INPP4B: variants seen among roughly 807,000 people sequenced by gnomAD.
The protein encoded by INPP4B is inositol polyphosphate-4-phosphatase type II B.
In INPP4B, 55 loss-of-function variants were observed where a neutral mutation model predicts 122.5. The ratio of observed to expected loss-of-function variants is 0.45; its 90% CI spans 0.36 to 0.56. INPP4B has a LOEUF of 0.56. INPP4B is among the 20% of genes least tolerant of loss of function. INPP4B has a pLI of 0.00. For synonymous variants in INPP4B, 403 were observed against 388.7 expected (o/e 1.04, Z -0.43); for missense variants, 1,000 against 1,097.7 (o/e 0.91, Z 1.26).
chr4:142,189,522 T>C (rs145486366), intron 15 of INPP4B, among the ~76,000 whole-genome samples: 1 of 152,158 alleles, frequency 6.6e-6, no homozygotes, highest in Non-Finnish European at 1.5e-5. Context: ...AAAAGTAAAA[T>C]ATTAGGGAGG....
At chr4:142,352,535 C>A (rs533960338) in intron 7 of INPP4B, among the ~76,000 whole-genome samples, 80 of 151,294 alleles carry the variant, frequency 5.3e-4, no homozygotes, top group African/African-American at 1.7e-3. Flanking sequence ...TATTCCCAAC[C>A]CATATGTGTA....
chr4:142,779,032 A>G (rs899723755), intron 1 of INPP4B, among the ~76,000 whole-genome samples: 4 of 152,074 alleles, frequency 2.6e-5, no homozygotes, highest in African/African-American at 9.7e-5. Context: ...CAGCTTGCAT[A>G]TTTTTATGTA....
intron 2 of INPP4B, among the ~76,000 whole-genome samples, chr4:142,545,525 C>A (rs2150050429): frequency 6.6e-6 from 1 of 152,076 alleles, no homozygotes; most frequent in East Asian, 1.9e-4. Flanking sequence ...CATCATAGAG[C>A]TCTTTTTTAA....
rs531147349 is a variant in INPP4B at position 142,798,779 on chromosome 4, T to C, written c.-254+47430A>G. Reference sequence around the variant, plus strand: ...AGCCGAAAGTTGATAAATCAATTAGTATATTATTTATTTAAAGTATATATA... The same window carrying C: ...AGCCGAAAGTTGATAAATCAATTAGCATATTATTTATTTAAAGTATATATA... On this transcript the variant is annotated intron_variant, in intron 1 of 25. Coordinates refer to ENST00000262992, the MANE Select transcript of INPP4B (RefSeq NM_001101669.3). 1.2e-4 allele frequency among the ~76,000 whole-genome samples: 19 copies of C among 152,012 alleles called. No homozygotes were observed. In the East Asian group the frequency reaches 3.7e-3, roughly 29 times the overall value.
At chr4:142,338,793 C>T (rs568593819) in intron 7 of INPP4B, among the ~76,000 whole-genome samples, 29 of 152,288 alleles carry the variant, frequency 1.9e-4, no homozygotes, top group Admixed American at 1.1e-3. Context: ...ATGAGCCAAG[C>T]GCTCTTCTAC....
At chr4:142,748,281 C>T (rs1419125326) in intron 1 of INPP4B, among the ~76,000 whole-genome samples, 4 of 151,676 alleles carry the variant, frequency 2.6e-5, no homozygotes, top group Non-Finnish European at 4.4e-5. Context: ...GCTTTAAATG[C>T]CTATCTATAC....
At chr4:142,384,671 C>A (rs185252634) in intron 7 of INPP4B, among the ~76,000 whole-genome samples, 112 of 152,114 alleles carry the variant, frequency 7.4e-4, no homozygotes, top group Admixed American at 3.7e-3. Flanking sequence ...GATTATAATG[C>A]CCTTTAATTT....
At chr4:142,230,312 C>T (rs1561548366) in intron 12 of INPP4B, among the ~76,000 whole-genome samples, 1 of 152,082 alleles carries the variant, frequency 6.6e-6, no homozygotes, top group African/African-American at 2.4e-5. Context: ...AAACCTCTCT[C>T]TACCACAGCG....
At chr4:142,262,648 G>C (rs1047778870) in intron 10 of INPP4B, among the ~76,000 whole-genome samples, 4 of 151,870 alleles carry the variant, frequency 2.6e-5, no homozygotes, top group Admixed American at 1.3e-4. Flanking sequence ...GTGTCTCTCT[G>C]GTTCATTGCT....
rs558832513 is a variant in INPP4B at position 142,810,747 on chromosome 4, T to G, written c.-254+35462A>C. ...GTAGGTATGGTCACACATAAGGCTG[T>G]TATTAGTCTCACATTGTAATCCTAA... On this transcript the variant is annotated intron_variant, in intron 1 of 25. Coordinates refer to ENST00000262992, the MANE Select transcript of INPP4B (RefSeq NM_001101669.3). Among the ~76,000 whole-genome samples, 3 of 152,336 alleles carry G rather than the reference T, an allele frequency of 2.0e-5. No individual in the cohort carries two copies. The East Asian group carries it at 5.8e-4, about 29-fold the overall frequency.
rs561979769 is a variant in INPP4B at position 142,037,054 on chromosome 4, G to A, written c.2643-8140C>T. On this transcript the variant is annotated intron_variant, in intron 25 of 25. Transcript: ENST00000262992. ...TTGCAAGGTACTCTGGCATTCCAAT[G>A]TCATTAGTTTTGGCCATCACCGTGG... Among the ~76,000 whole-genome samples, 3 of 152,296 alleles carry A rather than the reference G, an allele frequency of 2.0e-5. No homozygotes were observed. In the East Asian group the frequency reaches 5.8e-4, roughly 29 times the overall value.
At chr4:142,705,338 T>G (rs1560980302) in intron 2 of INPP4B, among the ~76,000 whole-genome samples, 1 of 152,100 alleles carries the variant, frequency 6.6e-6, no homozygotes, top group African/African-American at 2.4e-5. Flanking sequence ...TCCCACAGAC[T>G]GACTCTCCTT....
At chr4:142,055,433 G>A (rs1272261814) in intron 25 of INPP4B, among the ~76,000 whole-genome samples, 1 of 152,000 alleles carries the variant, frequency 6.6e-6, no homozygotes, top group South Asian at 2.1e-4. Context: ...ATAAAGTAAA[G>A]CAGGTCATTG....
intron 14 of INPP4B, among the ~76,000 whole-genome samples, chr4:142,197,018 G>A (rs896999907): frequency 6.6e-6 from 1 of 150,678 alleles, no homozygotes; most frequent in African/African-American, 2.4e-5. Context: ...CTCAGCTACT[G>A]GGGAGGCTGA....
At position 142,815,629 on chromosome 4, in the gene INPP4B, T is replaced by A. The variant is rs560395728; in HGVS notation, c.-254+30580A>T. Reference sequence around the variant, plus strand: ...CTGAAACTATGTCTTTCTGCAGGGATCTAGTTGTCATTAGATTTTTACTCT... The same window carrying A: ...CTGAAACTATGTCTTTCTGCAGGGAACTAGTTGTCATTAGATTTTTACTCT... On this transcript the variant is annotated intron_variant, in intron 1 of 25. Transcript: ENST00000262992. Among the ~76,000 whole-genome samples, 4 of 152,284 alleles carry A rather than the reference T, an allele frequency of 2.6e-5. No individual in the cohort carries two copies. In the East Asian group the frequency reaches 5.8e-4, roughly 22 times the overall value.
At chr4:142,389,196 G>A (rs1028405487) in intron 7 of INPP4B, among the ~76,000 whole-genome samples, 3 of 148,226 alleles carry the variant, frequency 2.0e-5, no homozygotes, top group African/African-American at 5.0e-5. Flanking sequence ...ATTGCAGTAA[G>A]ACAAGATTGC....
At chr4:142,247,911 T>C (rs1310523973) in intron 11 of INPP4B, among the ~76,000 whole-genome samples, 1 of 152,216 alleles carries the variant, frequency 6.6e-6, no homozygotes, top group Non-Finnish European at 1.5e-5. Context: ...AGTTTTCTGT[T>C]ATCTGAAGTG....
intron 3 of INPP4B, among the ~76,000 whole-genome samples, chr4:142,459,882 T>C (rs1480221100): frequency 6.6e-6 from 1 of 152,198 alleles, no homozygotes; most frequent in East Asian, 1.9e-4. Context: ...AGTTTAAATC[T>C]GGATAGCAGA....
chr4:142,541,916 C>T (rs753446341), intron 2 of INPP4B, among the ~76,000 whole-genome samples: 1 of 152,176 alleles, frequency 6.6e-6, no homozygotes, highest in African/African-American at 2.4e-5. Context: ...CGATGGCCAC[C>T]ACTACCCACC....
Sources: gnomAD v4.1 joint callset for allele counts (sites outside exome capture counted in the v4.1 genomes callset) on GRCh38, gnomAD v4.1.1 for gene constraint, MANE v1.5 for transcripts, NCBI Gene and HGNC (gene_info 2026-07-23, HGNC 2026-07-21) for gene names.